The following NEGR1 variants were observed in gnomAD, a reference collection of about 807,000 sequenced individuals.
NEGR1 encodes the protein IgLON family member 4.
Under a neutral mutation model 40.9 loss-of-function variants are expected in NEGR1, and 10 were observed. The observed-to-expected ratio is 0.24, with a 90% CI of 0.15 to 0.42. The LOEUF (loss-of-function observed/expected upper bound fraction) is 0.42. NEGR1 is among the 10% of genes least tolerant of loss of function. NEGR1 has a pLI of 1.00. For missense variants in NEGR1, 352 were observed against 438.9 expected (o/e 0.80, Z 1.77); for synonymous variants, 185 against 166.8 (o/e 1.11, Z -0.84).
At chr1:71,853,235 A>G (rs1287018900) in intron 2 of NEGR1, among the ~76,000 whole-genome samples, 1 of 152,112 alleles carries the variant, frequency 6.6e-6, no homozygotes, top group Non-Finnish European at 1.5e-5. Context: ...AATCTTGAGA[A>G]TGTTGGTATA....
At chr1:71,836,484 A>G (rs924730566) in intron 2 of NEGR1, among the ~76,000 whole-genome samples, 12 of 149,486 alleles carry the variant, frequency 8.0e-5, no homozygotes, top group African/African-American at 2.9e-4. Flanking sequence ...ATATGTGTAT[A>G]TATATATATA....
At chr1:72,130,296 T>C (rs1650195370) in intron 1 of NEGR1, among the ~76,000 whole-genome samples, 1 of 152,170 alleles carries the variant, frequency 6.6e-6, no homozygotes, top group Non-Finnish European at 1.5e-5. Flanking sequence ...TTTAGGTTTT[T>C]TGCCCGAAAC....
intron 2 of NEGR1, among the ~76,000 whole-genome samples, chr1:71,847,029 G>C (rs1283644060): frequency 6.6e-6 from 1 of 152,078 alleles, no homozygotes. Context: ...TCTCCAAAAT[G>C]AATTCTTCTC....
intron 2 of NEGR1, among the ~76,000 whole-genome samples, chr1:71,865,277 C>T (rs550413262): frequency 4.7e-4 from 71 of 152,216 alleles, no homozygotes; most frequent in African/African-American, 1.6e-3. Flanking sequence ...TGGTTAGGCA[C>T]ATGCACACGT....
At chr1:72,120,078 C>A (rs922465719) in intron 1 of NEGR1, among the ~76,000 whole-genome samples, 4 of 151,868 alleles carry the variant, frequency 2.6e-5, no homozygotes, top group Admixed American at 6.6e-5. Flanking sequence ...ATCAAGTAAT[C>A]CTTTAGGTTA....
chr1:72,163,547 T>C (rs970106746), intron 1 of NEGR1, among the ~76,000 whole-genome samples: 1 of 152,104 alleles, frequency 6.6e-6, no homozygotes, highest in Non-Finnish European at 1.5e-5. Context: ...TAGAACAATT[T>C]AGTTGTTAAA....
chr1:71,973,528 T>C (rs922266005), intron 1 of NEGR1, among the ~76,000 whole-genome samples: 13 of 152,162 alleles, frequency 8.5e-5, no homozygotes, highest in African/African-American at 2.2e-4. Context: ...CCAGAAACCA[T>C]TGGGATTTTT....
At chr1:71,568,205 C>A (rs945841954) in intron 6 of NEGR1, among the ~76,000 whole-genome samples, 1 of 152,060 alleles carries the variant, frequency 6.6e-6, no homozygotes, top group Non-Finnish European at 1.5e-5. Flanking sequence ...TTTATTAACC[C>A]CTCTATGAAA....
intron 6 of NEGR1, among the ~76,000 whole-genome samples, chr1:71,445,978 T>G (rs1290946341): frequency 6.6e-6 from 1 of 152,196 alleles, no homozygotes; most frequent in Non-Finnish European, 1.5e-5. Flanking sequence ...TTCACCATAT[T>G]TTTTACATAT....
intron 4 of NEGR1, among the ~76,000 whole-genome samples, chr1:71,659,118 A>G (rs1651972049): frequency 6.6e-6 from 1 of 152,180 alleles, no homozygotes; most frequent in South Asian, 2.1e-4. Context: ...CTTTAACCCT[A>G]GTCAAGTACT....
intron 6 of NEGR1, among the ~76,000 whole-genome samples, chr1:71,556,728 AAGAG>A (rs1648266198): frequency 1.3e-5 from 2 of 151,566 alleles, no homozygotes; most frequent in Admixed American, 1.3e-4. Context: ...AACACAAAGA[AAGAG>A]AGAGGGAGAT....
chr1:72,164,972 T>C (rs547447819), intron 1 of NEGR1, among the ~76,000 whole-genome samples: 23 of 152,232 alleles, frequency 1.5e-4, no homozygotes, highest in African/African-American at 5.3e-4. Context: ...CTTTAAAATA[T>C]GACCCTTGAT....
At chr1:71,664,906 C>A (rs1195616405) in intron 4 of NEGR1, among the ~76,000 whole-genome samples, 1 of 152,018 alleles carries the variant, frequency 6.6e-6, no homozygotes, top group Non-Finnish European at 1.5e-5. Flanking sequence ...GGGTAGATAA[C>A]CTTTAATAAG....
chr1:71,594,003 C>T (rs555824175), intron 5 of NEGR1, among the ~76,000 whole-genome samples: 5 of 152,268 alleles, frequency 3.3e-5, no homozygotes, highest in East Asian at 3.9e-4. Flanking sequence ...AATGCACATG[C>T]TTTCTCTGAT....
intron 6 of NEGR1, among the ~76,000 whole-genome samples, chr1:71,483,643 C>T (rs1400403555): frequency 6.6e-6 from 1 of 151,600 alleles, no homozygotes; most frequent in Non-Finnish European, 1.5e-5. Flanking sequence ...GTAGTGGCTG[C>T]CAGGTGTGCC....
At position 71,403,010 on chromosome 1, in the gene NEGR1, G is replaced by C. The variant is rs1014179126; in HGVS notation, c.*4436C>G. 2 of 152,044 alleles carry C rather than the reference G, an allele frequency of 1.3e-5. No homozygotes were observed. The highest frequency in any genetic ancestry group is 2.4e-5 in the African/African-American group (1 of 41,436). 9.4% of individuals were successfully genotyped at this position (152,044 alleles called of 1,614,324 possible). A position where few individuals can be genotyped will look rare whatever the true frequency, so the allele number is the denominator to read the frequency against. On this transcript the variant is annotated 3_prime_UTR_variant, in exon 7 of 7. Transcript: ENST00000357731. ...TGGAGGGAGGGCTTTGGTGTATATA[G>C]ATTTCTCAGAATAGCAATGATACTT...
intron 1 of NEGR1, among the ~76,000 whole-genome samples, chr1:72,165,985 G>T (rs1369397078): frequency 6.6e-6 from 1 of 151,942 alleles, no homozygotes; most frequent in South Asian, 2.1e-4. Context: ...CTTGAACTAC[G>T]TTAGGCAATA....
At chr1:71,524,244 C>T (rs1281609902) in intron 6 of NEGR1, among the ~76,000 whole-genome samples, 1 of 151,300 alleles carries the variant, frequency 6.6e-6, no homozygotes, top group East Asian at 2.0e-4. Context: ...TAGATGCCTT[C>T]TCTAACTATC....
intron 3 of NEGR1, among the ~76,000 whole-genome samples, chr1:71,746,162 C>A (rs966583416): frequency 1.3e-5 from 2 of 152,164 alleles, no homozygotes; most frequent in African/African-American, 2.4e-5. Context: ...ATATGTTATG[C>A]TTTTCTTGCT....
Sources: allele counts gnomAD v4.1 joint callset (sites outside exome capture counted in the v4.1 genomes callset), GRCh38; gene constraint gnomAD v4.1.1; transcripts MANE v1.5; gene names NCBI Gene and HGNC (gene_info 2026-07-23, HGNC 2026-07-21).